The following ACOXL variants were observed in gnomAD, a reference collection of about 807,000 sequenced individuals.
ACOXL encodes acyl-CoA oxidase like.
Under a neutral mutation model 71.9 loss-of-function variants are expected in ACOXL, and 70 were observed. The observed-to-expected ratio is 0.97, with a 90% CI of 0.80 to 1.19. ACOXL has a LOEUF of 1.19. Among genes scored for constraint, ACOXL ranks in the 50% most tolerant of loss-of-function variants. The pLI is 0.00. For synonymous variants in ACOXL, 253 were observed against 281.6 expected (o/e 0.90, Z 1.02); for missense variants, 703 against 736.3 (o/e 0.95, Z 0.52).
chr2:110,909,789 A>T (rs892830926), intron 11 of ACOXL, among the ~76,000 whole-genome samples: 1 of 150,486 alleles, frequency 6.6e-6, no homozygotes, highest in Non-Finnish European at 1.5e-5. Context: ...GCGGGGAGGG[A>T]TTGGATGGGT....
intron 11 of ACOXL, among the ~76,000 whole-genome samples, chr2:110,909,464 A>G (rs1249187597): frequency 2.0e-5 from 3 of 152,040 alleles, no homozygotes; most frequent in Non-Finnish European, 4.4e-5. Flanking sequence ...GTGTCGTGTT[A>G]TCATCATCCC....
At chr2:110,957,341 C>T (rs988876063) in intron 12 of ACOXL, among the ~76,000 whole-genome samples, 1 of 152,170 alleles carries the variant, frequency 6.6e-6, no homozygotes, top group South Asian at 2.1e-4. Flanking sequence ...AAGATTTGTT[C>T]ATGTTGGAGA....
intron 14 of ACOXL, among the ~76,000 whole-genome samples, chr2:111,020,820 G>T (rs1427768655): frequency 6.6e-6 from 1 of 152,166 alleles, no homozygotes; most frequent in Non-Finnish European, 1.5e-5. Flanking sequence ...ATTTATTTGG[G>T]TTCCAGTGTG....
intron 9 of ACOXL, among the ~76,000 whole-genome samples, chr2:110,831,480 A>C (rs941500534): frequency 2.0e-5 from 3 of 152,232 alleles, no homozygotes; most frequent in African/African-American, 4.8e-5. Flanking sequence ...GACACGTACC[A>C]TGTTTATACA....
chr2:110,945,118 A>G (rs1269584726), intron 12 of ACOXL, among the ~76,000 whole-genome samples: 1 of 152,180 alleles, frequency 6.6e-6, no homozygotes, highest in Non-Finnish European at 1.5e-5. Flanking sequence ...GCATTTTTTC[A>G]TATGCTTGCT....
chr2:110,854,537 C>T (rs747410881), intron 10 of ACOXL, among the ~76,000 whole-genome samples: 1 of 152,160 alleles, frequency 6.6e-6, no homozygotes, highest in Non-Finnish European at 1.5e-5. Flanking sequence ...TTGCTCTCCA[C>T]CAGCAGGGGG....
At chr2:110,777,325 T>A (rs1682781669) in intron 2 of ACOXL, among the ~76,000 whole-genome samples, 1 of 151,894 alleles carries the variant, frequency 6.6e-6, no homozygotes, top group South Asian at 2.1e-4. Flanking sequence ...GCCATAGAGG[T>A]AGGGACAAGT....
At chr2:110,906,182 G>A (rs536887616) in intron 10 of ACOXL, among the ~76,000 whole-genome samples, 3 of 152,112 alleles carry the variant, frequency 2.0e-5, no homozygotes, top group East Asian at 1.9e-4. Context: ...TGAATATTGA[G>A]CTTATGGTGG....
rs181461620 is a variant in ACOXL, at chr2:110,898,479, A to T, written c.789-10310A>T. Among the ~76,000 whole-genome samples, 211 of 152,370 alleles carry T rather than the reference A, an allele frequency of 1.4e-3. 1 individual carries two copies. Among genetic ancestry groups the T allele is most frequent in the African/African-American group, 4.9e-3 (205 of 41,590 alleles). ...TTGATCTACCATATTAACATGCTAAAGAAGAAAAATCTCATAATCATTTTA... is the reference window on the plus strand; with the variant it reads ...TTGATCTACCATATTAACATGCTAATGAAGAAAAATCTCATAATCATTTTA... On this transcript the variant is annotated intron_variant, in intron 10 of 17. Transcript: ENST00000439055.
chr2:111,083,316 A>G (rs542371953), intron 16 of ACOXL, among the ~76,000 whole-genome samples: 1 of 152,268 alleles, frequency 6.6e-6, no homozygotes, highest in East Asian at 1.9e-4. Flanking sequence ...ATTTGCTAGA[A>G]TGTCTCATAG....
intron 16 of ACOXL, among the ~76,000 whole-genome samples, chr2:111,060,622 T>G (rs2066768016): frequency 6.6e-6 from 1 of 152,130 alleles, no homozygotes; most frequent in Non-Finnish European, 1.5e-5. Flanking sequence ...TCACTCACAA[T>G]ACCAAGAACC....
At chr2:110,964,672 A>T (rs1046060687) in intron 12 of ACOXL, among the ~76,000 whole-genome samples, 1 of 152,178 alleles carries the variant, frequency 6.6e-6, no homozygotes, top group African/African-American at 2.4e-5. Context: ...CTACTGCAAC[A>T]TAATTTTTGT....
chr2:110,853,534 G>C (rs919143971), intron 10 of ACOXL, among the ~76,000 whole-genome samples: 2 of 152,158 alleles, frequency 1.3e-5, no homozygotes, highest in East Asian at 3.8e-4. Flanking sequence ...GATAATTTTT[G>C]TTCTATTTGT....
chr2:111,103,586 G>A lies in ACOXL; in HGVS notation c.1542+10620G>A, dbSNP rs560243942. On this transcript the variant is annotated intron_variant, in intron 17 of 17. Coordinates refer to ENST00000439055, the MANE Select transcript of ACOXL (RefSeq NM_001142807.4). ...ATGACTTTTTCGGGACTTTGGGGATGCAGGTGTCCTATTAATCTGCATAAC... is the reference window on the plus strand; with the variant it reads ...ATGACTTTTTCGGGACTTTGGGGATACAGGTGTCCTATTAATCTGCATAAC... Among the ~76,000 whole-genome samples the A allele has an allele frequency of 8.5e-5, 13 of 152,276 alleles. 1 individual carries two copies. The highest frequency in any genetic ancestry group is 2.6e-4 in the African/African-American group (11 of 41,558).
chr2:110,781,275 T>G (rs976467798), intron 2 of ACOXL, among the ~76,000 whole-genome samples: 5 of 152,122 alleles, frequency 3.3e-5, no homozygotes, highest in African/African-American at 1.2e-4. Context: ...TGGGGCTGGG[T>G]GGACAGAGGA....
intron 2 of ACOXL, among the ~76,000 whole-genome samples, chr2:110,769,266 A>G (rs377054331): frequency 1.0e-4 from 15 of 146,166 alleles, no homozygotes; most frequent in African/African-American, 3.7e-4. Context: ...AAGAAAGAAA[A>G]AAATACATGA....
intron 16 of ACOXL, among the ~76,000 whole-genome samples, chr2:111,078,565 G>A (rs1275081307): frequency 1.3e-5 from 2 of 152,106 alleles, no homozygotes; most frequent in African/African-American, 2.4e-5. Context: ...CACCTAGCCT[G>A]TATTTTCTAT....
chr2:110,841,880 G>T (rs1691220204), intron 10 of ACOXL, among the ~76,000 whole-genome samples: 1 of 152,128 alleles, frequency 6.6e-6, no homozygotes, highest in Non-Finnish European at 1.5e-5. Flanking sequence ...TTCTGTCTTG[G>T]TCTCTACTGT....
chr2:110,979,590 A>G (rs1188080160), intron 12 of ACOXL, among the ~76,000 whole-genome samples: 1 of 152,136 alleles, frequency 6.6e-6, no homozygotes, highest in Non-Finnish European at 1.5e-5. Flanking sequence ...GCTGGACTCC[A>G]CTGGGCCAGT....
Sources: allele counts gnomAD v4.1 joint callset (sites outside exome capture counted in the v4.1 genomes callset), GRCh38; gene constraint gnomAD v4.1.1; transcripts MANE v1.5; gene names NCBI Gene and HGNC (gene_info 2026-07-23, HGNC 2026-07-21).